SGCZ: variants seen among roughly 807,000 people sequenced by gnomAD.
The protein encoded by SGCZ is sarcoglycan zeta, also known as zeta-sarcoglycan.
Under a neutral mutation model 41.3 loss-of-function variants are expected in SGCZ, and 40 were observed. That is an observed-to-expected ratio of 0.97 (90% CI 0.75 to 1.26). The LOEUF (loss-of-function observed/expected upper bound fraction) is 1.26. Ranked by LOEUF, SGCZ falls within the 50% of genes most tolerant of loss-of-function variation. SGCZ has a pLI of 0.00. For missense variants in SGCZ, 552 were observed against 369.8 expected (o/e 1.49, Z -4.04); for synonymous variants, 206 against 137.5 (o/e 1.50, Z -3.49).
chr8:14,230,798 A>C (rs1415417519), intron 4 of SGCZ, among the ~76,000 whole-genome samples: 1 of 151,440 alleles, frequency 6.6e-6, no homozygotes, highest in Non-Finnish European at 1.5e-5. Context: ...TCTCTTAATA[A>C]TCAAAGTGCC....
Position 14,479,741 on chromosome 8 carries a change from TTTTTTTTTTTTTTTTTTTTTA to T in SGCZ, c.234+74970_234+74990del, listed in dbSNP as rs1292126163. 7.9e-3 allele frequency among the ~76,000 whole-genome samples: 118 copies of T among 14,944 alleles called. 2 individuals are homozygous for T. Among genetic ancestry groups the T allele is most frequent in the South Asian group, 0.022 (9 of 400 alleles). The allele number at this position is 14,944 out of a possible 152,430, so 9.8% of individuals were successfully genotyped here. On this transcript the variant is annotated intron_variant, in intron 2 of 7. Transcript: ENST00000382080. ...TCCAGAATTCTACTTCTTTTTTTTT[TTTTTTTTTTTTTTTTTTTTTA>T]TTTGAGATGGAGTTTAGCTCTTGCA...
Position 14,459,180 on chromosome 8 carries a change from C to T in SGCZ, c.234+95552G>A, listed in dbSNP as rs181316722. 1.0e-3 allele frequency among the ~76,000 whole-genome samples: 159 copies of T among 152,150 alleles called. 1 individual carries two copies. The highest frequency in any genetic ancestry group is 1.3e-3 in the Non-Finnish European group (91 of 68,004). On this transcript the variant is annotated intron_variant, in intron 2 of 7. Coordinates refer to ENST00000382080, the MANE Select transcript of SGCZ (RefSeq NM_139167.4). Reference sequence around the variant, plus strand: ...ACTATCGAGAGGACAAAAAACCAAACACCGCATGTTTTCACTCATAGGTGG... The same window carrying T: ...ACTATCGAGAGGACAAAAAACCAAATACCGCATGTTTTCACTCATAGGTGG...
chr8:14,721,073 G>A (rs1425248525), intron 1 of SGCZ, among the ~76,000 whole-genome samples: 1 of 151,916 alleles, frequency 6.6e-6, no homozygotes, highest in Non-Finnish European at 1.5e-5. Context: ...TGCCACTCTT[G>A]GATTTCTTTG....
At chr8:14,182,101 G>T (rs1022327402) in intron 4 of SGCZ, among the ~76,000 whole-genome samples, 46 of 152,072 alleles carry the variant, frequency 3.0e-4, no homozygotes, top group Admixed American at 2.7e-3. Flanking sequence ...ATAAGCCATG[G>T]GTACACTTAT....
chr8:15,202,830 G>A (rs756894179), intron 1 of SGCZ, among the ~76,000 whole-genome samples: 1 of 152,092 alleles, frequency 6.6e-6, no homozygotes, highest in Non-Finnish European at 1.5e-5. Flanking sequence ...GACAAACCTG[G>A]CCGGGCCTGG....
intron 1 of SGCZ, among the ~76,000 whole-genome samples, chr8:15,097,355 T>C (rs1296792974): frequency 2.0e-5 from 3 of 152,060 alleles, no homozygotes. Context: ...AGCTTGAGCA[T>C]AAAAACAACC....
chr8:14,383,019 G>A lies in SGCZ; in HGVS notation c.235-58815C>T, dbSNP rs561051000. Among the ~76,000 whole-genome samples the A allele has an allele frequency of 5.9e-5, 9 of 152,112 alleles. No homozygotes were observed. In the South Asian group the frequency reaches 1.7e-3, roughly 28 times the overall value. ...GTGGAAGCATGCCACCACTTCACAC[G>A]CCTAGATACAGCCCAATAGAGATAC... On this transcript the variant is annotated intron_variant, in intron 2 of 7. Coordinates refer to ENST00000382080, the MANE Select transcript of SGCZ (RefSeq NM_139167.4).
chr8:14,908,883 G>C (rs185442557), intron 1 of SGCZ, among the ~76,000 whole-genome samples: 4 of 151,944 alleles, frequency 2.6e-5, no homozygotes, highest in African/African-American at 9.6e-5. Flanking sequence ...CGAATAGTTT[G>C]TTATTTAATT....
intron 1 of SGCZ, among the ~76,000 whole-genome samples, chr8:15,171,535 T>C (rs1407893727): frequency 6.6e-6 from 1 of 152,208 alleles, no homozygotes; most frequent in Non-Finnish European, 1.5e-5. Flanking sequence ...TAAAAGCTAC[T>C]TCTCTTTTTA....
intron 2 of SGCZ, among the ~76,000 whole-genome samples, chr8:14,509,293 C>T (rs1243518517): frequency 2.0e-5 from 3 of 152,116 alleles, no homozygotes; most frequent in Admixed American, 1.3e-4. Flanking sequence ...TTAAACTTTG[C>T]TATTTGTTCA....
intron 2 of SGCZ, among the ~76,000 whole-genome samples, chr8:14,481,426 T>C (rs1467208336): frequency 6.6e-6 from 1 of 152,190 alleles, no homozygotes; most frequent in Non-Finnish European, 1.5e-5. Context: ...ATGCATGCAA[T>C]AAGTTTCAAA....
At chr8:15,218,282 A>G (rs1388030262) in intron 1 of SGCZ, among the ~76,000 whole-genome samples, 1 of 152,180 alleles carries the variant, frequency 6.6e-6, no homozygotes, top group Admixed American at 6.5e-5. Flanking sequence ...AGAATCCTAT[A>G]TAAAAGAGCC....
rs184459552 is a variant in SGCZ, at chr8:14,573,081, A to G, written c.40-18155T>C. 4.5e-3 allele frequency among the ~76,000 whole-genome samples: 680 copies of G among 151,226 alleles called. 2 individuals carry two copies. The highest frequency in any genetic ancestry group is 0.015 in the African/African-American group (614 of 41,334). ...ATGTGAGATTTGTACTACTGGTGGT[A>G]GGTAGTTATTATATGTGGCAAGTGT... On this transcript the variant is annotated intron_variant, in intron 1 of 7. Transcript: ENST00000382080.
At chr8:14,126,938 T>G (rs10106930) in intron 5 of SGCZ, among the ~76,000 whole-genome samples, 1 of 151,040 alleles carries the variant, frequency 6.6e-6, no homozygotes, top group Non-Finnish European at 1.5e-5. Flanking sequence ...TGAGAACACA[T>G]GGACACAGGG....
chr8:14,177,415 TACA>T (rs746236518), intron 4 of SGCZ, among the ~76,000 whole-genome samples: 9 of 152,220 alleles, frequency 5.9e-5, no homozygotes, highest in Non-Finnish European at 1.2e-4. Flanking sequence ...ATGAGCAAGT[TACA>T]ACAACAACAA....
chr8:14,630,512 C>T (rs1806611399), intron 1 of SGCZ, among the ~76,000 whole-genome samples: 1 of 151,944 alleles, frequency 6.6e-6, no homozygotes, highest in African/African-American at 2.4e-5. Context: ...CCCAGCCATC[C>T]CATTACTGGG....
At chr8:14,245,871 G>C (rs1799068436) in intron 3 of SGCZ, among the ~76,000 whole-genome samples, 2 of 152,166 alleles carry the variant, frequency 1.3e-5, no homozygotes, top group African/African-American at 2.4e-5. Context: ...GGCCATCAGA[G>C]AAATGCAAAT....
chr8:14,711,464 T>C (rs1239873880), intron 1 of SGCZ, among the ~76,000 whole-genome samples: 3 of 148,578 alleles, frequency 2.0e-5, no homozygotes, highest in Admixed American at 2.0e-4. Context: ...AAGTTAGGCA[T>C]GATGGCGCAT....
At chr8:15,200,065 T>C (rs1237863436) in intron 1 of SGCZ, among the ~76,000 whole-genome samples, 1 of 152,212 alleles carries the variant, frequency 6.6e-6, no homozygotes, top group African/African-American at 2.4e-5. Context: ...GAATTTTGTT[T>C]AGGAAAATTC....
Sources: gnomAD v4.1 joint callset for allele counts (sites outside exome capture counted in the v4.1 genomes callset) on GRCh38, gnomAD v4.1.1 for gene constraint, MANE v1.5 for transcripts, NCBI Gene and HGNC (gene_info 2026-07-23, HGNC 2026-07-21) for gene names.